MCUR1: variants seen among roughly 807,000 people sequenced by gnomAD.
MCUR1 encodes mitochondrial calcium uniporter regulator 1.
MCUR1 carries 37 observed loss-of-function variants against 42.0 expected under a neutral mutation model. That is an observed-to-expected ratio of 0.88 (90% CI 0.68 to 1.16). MCUR1 has a LOEUF of 1.16. MCUR1 is among the 50% of genes most tolerant of loss of function. MCUR1 has a pLI of 0.00. For missense variants in MCUR1, 469 were observed against 468.4 expected, an observed-to-expected ratio of 1.00 and a Z score of -0.01; for synonymous variants, 229 against 196.2, an observed-to-expected ratio of 1.17 and a Z score of -1.40.
chr6:13,806,775 C>A (rs1260787828), intron 2 of MCUR1, 150 bp downstream of exon 2: 11 of 967,668 alleles, frequency 1.1e-5, no homozygotes, highest in Non-Finnish European at 7.2e-6. Context: ...GGTGACAGAG[C>A]CAGAGCCTGT....
chr6:13,814,456 C>G lies in MCUR1; in HGVS notation c.-27G>C, dbSNP rs374391799. 46 of 1,475,428 alleles carry G rather than the reference C, an allele frequency of 3.1e-5. No homozygotes were observed. In the African/African-American group the frequency reaches 5.4e-4, roughly 17 times the overall value. The allele number at this position is 1,475,428 out of a possible 1,614,324, so 91.4% of individuals were successfully genotyped here. ...CCCGAGCAGTTCACTGGCCCGGGCG[C>G]GCGCTCATGCCTCTCGCTTTTGGCG... On this transcript the variant is annotated 5_prime_UTR_variant, in exon 1 of 9. Coordinates refer to ENST00000379170, the MANE Select transcript of MCUR1 (RefSeq NM_001031713.4).
intron 7 of MCUR1, among the ~76,000 whole-genome samples, chr6:13,792,924 C>T (rs915800737): frequency 6.6e-6 from 1 of 151,960 alleles, no homozygotes; most frequent in Non-Finnish European, 1.5e-5. Flanking sequence ...AATAAGACTT[C>T]TCCATTCCTC....
At chr6:13,808,892 CTTTTAAGTTTG>C (rs1417762194) in intron 1 of MCUR1, among the ~76,000 whole-genome samples, 1 of 152,002 alleles carries the variant, frequency 6.6e-6, no homozygotes, top group Non-Finnish European at 1.5e-5. Context: ...TTCTTGATTA[CTTTTAAGTTTG>C]TTTTAAGTTT....
intron 1 of MCUR1, among the ~76,000 whole-genome samples, chr6:13,810,528 A>G (rs1255805959): frequency 1.3e-5 from 2 of 152,220 alleles, no homozygotes; most frequent in Non-Finnish European, 2.9e-5. Flanking sequence ...AGGTTTCCCC[A>G]GCAGGCCTCT....
At chr6:13,798,719 TAAAC>T (rs1440031670) in intron 6 of MCUR1, 110 bp downstream of exon 6, 9 of 706,534 alleles carry the variant, frequency 1.3e-5, no homozygotes, top group Non-Finnish European at 2.0e-5. Context: ...CTAACACTGA[TAAAC>T]AGATAAATAT....
Position 13,791,995 on chromosome 6 carries a change from T to TTTA in MCUR1, c.910-6_910-4dup, listed in dbSNP as rs766305640. On this transcript the variant is annotated splice_region_variant and splice_polypyrimidine_tract_variant and intron_variant, in intron 7 of 8. Transcript: ENST00000379170. ...AGGGCCCGATCTTGCTGGGCATGCT[T>TTTA]TTAAAATGAAGAGAGTCACAGCGTT... The TTTA allele has an allele frequency of 1.2e-4, 198 of 1,612,130 alleles. No homozygotes were observed. The highest frequency in any genetic ancestry group is 1.6e-4 in the Non-Finnish European group (191 of 1,178,498).
chr6:13,812,555 G>T (rs1351054075), intron 1 of MCUR1, among the ~76,000 whole-genome samples: 1 of 152,160 alleles, frequency 6.6e-6, no homozygotes, highest in Non-Finnish European at 1.5e-5. Flanking sequence ...GCAAAATACA[G>T]AATAAAGACC....
intron 6 of MCUR1, among the ~76,000 whole-genome samples, chr6:13,796,095 T>G (rs1035466691): frequency 1.3e-5 from 2 of 152,140 alleles, no homozygotes; most frequent in Non-Finnish European, 2.9e-5. Context: ...TAAATCATAT[T>G]TATCAGCATA....
At position 13,814,280 on chromosome 6, in the gene MCUR1, C is replaced by G. The variant is rs940364116; in HGVS notation, c.150G>C (p.Gly50=). Residue 50 remains glycine (G), a synonymous_variant, in exon 1 of 9, where the codon GGG becomes GGC. Transcript: ENST00000379170. ...RCLSALSDGL[G]ALRPRAPAAR... ...CCGCCGGGGCGCGAGGGCGCAGCGC[C>G]CCCAGACCGTCGGAGAGCGCAGAGA... The G allele has an allele frequency of 1.7e-5, 26 of 1,492,302 alleles. No homozygotes were observed. The highest frequency in any genetic ancestry group is 2.3e-5 in the Non-Finnish European group (26 of 1,127,556). 92.4% of individuals were successfully genotyped at this position (1,492,302 alleles called of 1,614,324 possible).
At chr6:13,791,034 T>C (rs1373142882) in intron 8 of MCUR1, among the ~76,000 whole-genome samples, 170 bp from the exon 9 acceptor site, 1 of 152,138 alleles carries the variant, frequency 6.6e-6, no homozygotes, top group Non-Finnish European at 1.5e-5. Context: ...CCACACCCTT[T>C]ATTTTATTTT....
Position 13,792,727 on chromosome 6 carries a change from T to A in MCUR1, c.910-735A>T, listed in dbSNP as rs377678197. 3.8e-4 allele frequency among the ~76,000 whole-genome samples: 58 copies of A among 152,128 alleles called. 1 individual carries two copies. Among genetic ancestry groups the A allele is most frequent in the African/African-American group, 1.4e-3 (58 of 41,518 alleles). Reference sequence around the variant, plus strand: ...CACTAAAACTCCTACAGCAACTAAATCTTTCCCTATGGCTACCAATTCAGG... The same window carrying A: ...CACTAAAACTCCTACAGCAACTAAAACTTTCCCTATGGCTACCAATTCAGG... On this transcript the variant is annotated intron_variant, in intron 7 of 8. Transcript: ENST00000379170.
chr6:13,814,165 G>A lies in MCUR1; in HGVS notation c.265C>T (p.Leu89Phe). ...RLAAAAPRRQLGDWERSRLGY... is the reference protein window; with the variant it reads ...RLAAAAPRRQFGDWERSRLGY... The stretch of plus-strand genomic sequence containing the variant: ...AGGCGCGAGCGCTCCCAGTCCCCGA[G>A]CTGCCGGCGCGGGGCTGCGGCGGCC... The change falls in exon 1 of 9, where the codon CTC becomes TTC. Residue 89 changes from leucine to phenylalanine, a missense_variant. Coordinates refer to ENST00000379170, the MANE Select transcript of MCUR1 (RefSeq NM_001031713.4). 2.3e-6 allele frequency: 3 copies of A among 1,332,540 alleles called. No homozygotes were observed. Among genetic ancestry groups the A allele is most frequent in the Non-Finnish European group, 2.9e-6 (3 of 1,048,922 alleles). 82.5% of individuals were successfully genotyped at this position (1,332,540 alleles called of 1,614,324 possible). A position where few individuals can be genotyped will look rare whatever the true frequency, so the allele number is the denominator to read the frequency against.
chr6:13,790,617 A>T lies in MCUR1; in HGVS notation c.*192T>A, dbSNP rs548286473. The T allele has an allele frequency of 8.0e-6, 3 of 375,892 alleles. No individual in the cohort carries two copies. The highest frequency in any genetic ancestry group is 4.5e-5 in the Admixed American group (1 of 22,210). The allele number at this position is 375,892 out of a possible 1,614,324, so 23.3% of individuals were successfully genotyped here. On this transcript the variant is annotated 3_prime_UTR_variant, in exon 9 of 9. Coordinates refer to ENST00000379170, the MANE Select transcript of MCUR1 (RefSeq NM_001031713.4). ...CAGGCGCCCGCCACCACGCCCGCCTAATGTTTTAATTTTTTAGTAGAGACG... is the reference window on the plus strand; with the variant it reads ...CAGGCGCCCGCCACCACGCCCGCCTTATGTTTTAATTTTTTAGTAGAGACG...
rs1759622611 is a variant in MCUR1, at chr6:13,787,170, G to C, written c.*3639C>G. 1 of 152,156 alleles carries C rather than the reference G, an allele frequency of 6.6e-6. No homozygotes were observed. Among genetic ancestry groups the C allele is most frequent in the Non-Finnish European group, 1.5e-5 (1 of 68,032 alleles). The allele number at this position is 152,156 out of a possible 1,614,324, so 9.4% of individuals were successfully genotyped here. On this transcript the variant is annotated 3_prime_UTR_variant, in exon 9 of 9. Coordinates refer to ENST00000379170, the MANE Select transcript of MCUR1 (RefSeq NM_001031713.4). ...GGCTTGAAAGGAGAAGGCTAGAAGA[G>C]GGAAGATTATGTCACTAAGCATAGC...
At chr6:13,811,689 C>A (rs998919700) in intron 1 of MCUR1, among the ~76,000 whole-genome samples, 2 of 152,152 alleles carry the variant, frequency 1.3e-5, no homozygotes, top group South Asian at 4.1e-4. Context: ...TCGAAAACAC[C>A]TGAGTCTGGA....
rs1420132127 is a variant in MCUR1, at chr6:13,790,782, T to C, written c.*27A>G. ...ATCTGGTATTCTTAAGGCAAAACAG[T>C]AGAAATCACTTTAAATAGACACTTT... On this transcript the variant is annotated 3_prime_UTR_variant, in exon 9 of 9. Transcript: ENST00000379170. 1.3e-5 allele frequency: 21 copies of C among 1,588,400 alleles called. No homozygotes were observed. Among genetic ancestry groups the C allele is most frequent in the Admixed American group, 3.4e-5 (2 of 58,830 alleles).
intron 4 of MCUR1, among the ~76,000 whole-genome samples, chr6:13,800,823 T>G (rs1759973730): frequency 6.6e-6 from 1 of 152,196 alleles, no homozygotes; most frequent in Non-Finnish European, 1.5e-5. Flanking sequence ...GGAAAATGCA[T>G]AGACAGCACT....
intron 1 of MCUR1, among the ~76,000 whole-genome samples, chr6:13,808,019 G>A (rs900486041): frequency 1.3e-5 from 2 of 152,188 alleles, no homozygotes; most frequent in Admixed American, 1.3e-4. Flanking sequence ...CAACAGTGTT[G>A]AGAGGTGGGT....
intron 6 of MCUR1, among the ~76,000 whole-genome samples, chr6:13,795,344 T>C (rs913047796): frequency 6.6e-6 from 1 of 152,074 alleles, no homozygotes; most frequent in Non-Finnish European, 1.5e-5. Context: ...CAACATTGAC[T>C]CACCCACAAA....
Sources: gnomAD v4.1 joint callset for allele counts (sites outside exome capture counted in the v4.1 genomes callset) on GRCh38, gnomAD v4.1.1 for gene constraint, MANE v1.5 for transcripts, NCBI Gene and HGNC (gene_info 2026-07-23, HGNC 2026-07-21) for gene names.